KIAA0586: variants seen among roughly 807,000 people sequenced by gnomAD.
KIAA0586 encodes the protein KIAA0586, also known as protein TALPID3.
A neutral mutation model predicts 169.8 loss-of-function variants in KIAA0586; 144 were observed. That is an observed-to-expected ratio of 0.85 (90% CI 0.74 to 0.97). The LOEUF is 0.97. KIAA0586 is among the 50% of genes least tolerant of loss of function. The probability of loss-of-function intolerance (pLI) is 0.00; values close to 1 mark genes in which losing one functional copy is unlikely to be tolerated. For missense variants in KIAA0586, 1,854 were observed against 1,823.0 expected (o/e 1.02, Z -0.31); for synonymous variants, 625 against 612.4 (o/e 1.02, Z -0.30).
intron 4 of KIAA0586, among the ~76,000 whole-genome samples, chr14:58,438,137 A>G (rs2037992068): frequency 6.6e-6 from 1 of 152,214 alleles, no homozygotes; most frequent in African/African-American, 2.4e-5. Flanking sequence ...GGGTTTAAGA[A>G]TAAAGAAAAA....
chr14:58,472,019 A>G (rs528207300), intron 17 of KIAA0586, among the ~76,000 whole-genome samples, 180 bp from the exon 18 acceptor site: 21 of 152,160 alleles, frequency 1.4e-4, no homozygotes, highest in Non-Finnish European at 2.9e-4. Context: ...TGTTGACCTA[A>G]TGGCTTGGGG....
intron 20 of KIAA0586, among the ~76,000 whole-genome samples, chr14:58,481,964 C>T (rs2042056492): frequency 6.6e-6 from 1 of 151,924 alleles, no homozygotes; most frequent in Non-Finnish European, 1.5e-5. Flanking sequence ...CAGGCGCCTG[C>T]CACCACACCT....
chr14:58,436,432 A>G (rs1252972339), intron 4 of KIAA0586, among the ~76,000 whole-genome samples: 1 of 152,204 alleles, frequency 6.6e-6, no homozygotes, highest in East Asian at 1.9e-4. Flanking sequence ...GTCAAGGGAA[A>G]TAACCAAAGG....
At chr14:58,552,861 A>G (rs1169093393), downstream of KIAA0586, among the ~76,000 whole-genome samples, 1 of 152,188 alleles carries the variant, frequency 6.6e-6, no homozygotes, top group Non-Finnish European at 1.5e-5. Flanking sequence ...TTTTTCCCAG[A>G]ATTATGAAGA....
chr14:58,435,824 C>T (rs2037776435), intron 4 of KIAA0586, among the ~76,000 whole-genome samples: 2 of 152,210 alleles, frequency 1.3e-5, no homozygotes, highest in Admixed American at 1.3e-4. Context: ...TCTCCTCCCT[C>T]AGCCTCCTGA....
chr14:58,492,173 G>A lies in KIAA0586; in HGVS notation c.3888G>A (p.Val1296=). The A allele has an allele frequency of 6.5e-7, 1 of 1,548,720 alleles. No individual in the cohort carries two copies. The highest frequency in any genetic ancestry group is 1.2e-5 in the South Asian group (1 of 83,578). The stretch of plus-strand genomic sequence containing the variant: ...ATGATCCTCCTAGTGAAGGGCAAGT[G>A]ATTAGGATGTCCCATAAAAAATTTC... ...MEDDPPSEGQ[V]IRMSHKKFHA... is the part of the protein sequence containing the mutation. Residue 1296 remains valine (V), a synonymous_variant, in exon 26 of 31, where the codon GTG becomes GTA. Transcript: ENST00000652326.
Position 58,457,874 on chromosome 14 carries a change from G to C in KIAA0586, c.1478G>C (p.Gly493Ala), listed in dbSNP as rs780301208. 39 of 1,607,356 alleles carry C rather than the reference G, an allele frequency of 2.4e-5. No homozygotes were observed. Among genetic ancestry groups the C allele is most frequent in the Admixed American group, 3.4e-5 (2 of 59,208 alleles). The change falls in exon 11 of 31, where the codon GGA becomes GCA. Residue 493 changes from glycine to alanine, a missense_variant. By Grantham distance (60) the Gly-to-Ala change is moderately conservative. Coordinates refer to ENST00000652326, the MANE Select transcript of KIAA0586 (RefSeq NM_001329943.3). ...VLKDAEKILR[G>A]VQNNKKVLEE... ...AAAGATGCTGAGAAGATTTTGAGAG[G>C]AGTACAAAACAATAAAAAAGTACTT...
chr14:58,431,481 G>C (rs577791001), intron 3 of KIAA0586, among the ~76,000 whole-genome samples: 1 of 152,114 alleles, frequency 6.6e-6, no homozygotes, highest in Non-Finnish European at 1.5e-5. Flanking sequence ...TGACCAGACT[G>C]GTCTCAAACT....
At chr14:58,430,578 G>GT in intron 2 of KIAA0586, 70 bp from the exon 3 acceptor site, 1 of 933,100 alleles carries the variant, frequency 1.1e-6, no homozygotes, top group Non-Finnish European at 1.7e-6. Context: ...CACATAGCTA[G>GT]TAAACGGTTC....
intron 18 of KIAA0586, among the ~76,000 whole-genome samples, chr14:58,473,455 T>G (rs981503508): frequency 2.0e-5 from 3 of 152,192 alleles, no homozygotes; most frequent in African/African-American, 4.8e-5. Context: ...ATAACTCTAT[T>G]GGTTATGATG....
intron 26 of KIAA0586, among the ~76,000 whole-genome samples, chr14:58,498,124 C>T (rs2043291499): frequency 6.6e-6 from 1 of 152,046 alleles, no homozygotes; most frequent in Admixed American, 6.5e-5. Flanking sequence ...TGATCCGCCG[C>T]CTCGGCCTCC....
At chr14:58,540,029 T>A in intron 29 of KIAA0586, 42 bp from the exon 30 acceptor site, 1 of 1,150,454 alleles carries the variant, frequency 8.7e-7, no homozygotes, top group South Asian at 1.4e-5. Context: ...ATTATTTCTA[T>A]GCTTAACTGA....
At chr14:58,518,011 C>T (rs2044888558) in intron 29 of KIAA0586, among the ~76,000 whole-genome samples, 1 of 152,090 alleles carries the variant, frequency 6.6e-6, no homozygotes, top group East Asian at 1.9e-4. Flanking sequence ...GAACTTTTTT[C>T]CATTTTGATG....
intron 20 of KIAA0586, among the ~76,000 whole-genome samples, chr14:58,477,675 T>C (rs1743708): frequency 0.98 from 148,797 of 152,228 alleles, 72,806 homozygotes; most frequent in Non-Finnish European, 1. Context: ...CCTCTTTCTT[T>C]ATGGAGCCTA....
At chr14:58,468,164 G>T (rs938023596) in intron 16 of KIAA0586, among the ~76,000 whole-genome samples, 1 of 152,124 alleles carries the variant, frequency 6.6e-6, no homozygotes, top group Non-Finnish European at 1.5e-5. Context: ...TCCTGCCTCA[G>T]CCTCCTGAGT....
chr14:58,530,305 T>G (rs1225043748), intron 29 of KIAA0586, among the ~76,000 whole-genome samples: 1 of 152,226 alleles, frequency 6.6e-6, no homozygotes, highest in Middle Eastern at 3.2e-3. Context: ...CCCATCAAGC[T>G]ACCAATGACT....
At chr14:58,547,155 TAA>T (rs60672104) in intron 30 of KIAA0586, among the ~76,000 whole-genome samples, 46 of 144,648 alleles carry the variant, frequency 3.2e-4, no homozygotes, top group African/African-American at 8.0e-4. Flanking sequence ...TTACCTCTTT[TAA>T]AAAAAAAAAA....
chr14:58,547,168 A>AG (rs1185650992), intron 30 of KIAA0586, among the ~76,000 whole-genome samples: 2 of 151,914 alleles, frequency 1.3e-5, no homozygotes, highest in Non-Finnish European at 2.9e-5. Flanking sequence ...AAAAAAAAAA[A>AG]AAAGTTCTTG....
At chr14:58,498,753 G>T in intron 26 of KIAA0586, 30 bp from the exon 27 acceptor site, 1 of 1,566,168 alleles carries the variant, frequency 6.4e-7, no homozygotes, top group South Asian at 1.2e-5. Context: ...TTAATATAAT[G>T]GTTTTAACAA....
Sources: allele counts gnomAD v4.1 joint callset (sites outside exome capture counted in the v4.1 genomes callset), GRCh38; gene constraint gnomAD v4.1.1; transcripts MANE v1.5; gene names NCBI Gene and HGNC (gene_info 2026-07-23, HGNC 2026-07-21).